The following NUP50 variants were observed in gnomAD, a reference collection of about 807,000 sequenced individuals.
NUP50 encodes nucleoporin 50.
A neutral mutation model predicts 36.8 loss-of-function variants in NUP50; 14 were observed. The ratio of observed to expected loss-of-function variants is 0.38; its 90% CI spans 0.25 to 0.59. The LOEUF (loss-of-function observed/expected upper bound fraction) is 0.59, where lower values mean the gene tolerates loss of function less well. NUP50 is among the 20% of genes least tolerant of loss of function. NUP50 has a pLI of 0.63. For synonymous variants in NUP50, 195 were observed against 210.8 expected, an observed-to-expected ratio of 0.93 and a Z score of 0.65; for missense variants, 455 against 564.6, an observed-to-expected ratio of 0.81 and a Z score of 1.97.
intron 1 of NUP50, chr22:45,166,528 C>T (rs2074097840): frequency 6.6e-6 from 1 of 152,008 alleles, no homozygotes; most frequent in South Asian, 2.1e-4. Flanking sequence ...CTCAAGTGAT[C>T]TGCCCACCTT....
rs2074452873 is a variant in NUP50 at position 45,185,310 on chromosome 22, T to A, written c.*655T>A. 1 of 152,428 alleles carries A rather than the reference T, an allele frequency of 6.6e-6. No homozygotes were observed. Among genetic ancestry groups the A allele is most frequent in the African/African-American group, 2.4e-5 (1 of 41,210 alleles). 9.4% of individuals were successfully genotyped at this position (152,428 alleles called of 1,614,324 possible). A position where few individuals can be genotyped will look rare whatever the true frequency, so the allele number is the denominator to read the frequency against. On this transcript the variant is annotated 3_prime_UTR_variant, in exon 8 of 8. Coordinates refer to ENST00000347635, the MANE Select transcript of NUP50 (RefSeq NM_007172.4). ...AAGAAATGAACAGCTTGTGAAGGAGTTTTTTGGCTTCATAGTTTCTATTCA... is the reference window on the plus strand; with the variant it reads ...AAGAAATGAACAGCTTGTGAAGGAGATTTTTGGCTTCATAGTTTCTATTCA...
intron 1 of NUP50, among the ~76,000 whole-genome samples, chr22:45,167,479 A>G (rs564506731): frequency 1.5e-4 from 23 of 152,372 alleles, no homozygotes; most frequent in African/African-American, 5.0e-4. Flanking sequence ...TGCCCCTTCC[A>G]CTAATGCCAT....
chr22:45,166,344 T>C (rs2074095164), intron 1 of NUP50: 1 of 149,116 alleles, frequency 6.7e-6, no homozygotes. Context: ...CTGGAGTGCA[T>C]TGGCGCGATC....
At chr22:45,166,165 A>G (rs1236755514) in intron 1 of NUP50, 1 of 151,846 alleles carries the variant, frequency 6.6e-6, no homozygotes, top group East Asian at 1.9e-4. Context: ...AGACTATTTT[A>G]CTGCGTCACC....
rs1387676977 is a variant in NUP50 at position 45,185,991 on chromosome 22, G to A, written c.*1336G>A. On this transcript the variant is annotated 3_prime_UTR_variant, in exon 8 of 8. Coordinates refer to ENST00000347635, the MANE Select transcript of NUP50 (RefSeq NM_007172.4). ...CGTAGCACATTCTCCATTTAGAAAA[G>A]AGTGGTCAGAATAATTGTGGACGGT... 1 of 152,256 alleles carries A rather than the reference G, an allele frequency of 6.6e-6. No homozygotes were observed. Among genetic ancestry groups the A allele is most frequent in the Non-Finnish European group, 1.5e-5 (1 of 68,062 alleles). The allele number at this position is 152,256 out of a possible 1,614,324, so 9.4% of individuals were successfully genotyped here. A position where few individuals can be genotyped will look rare whatever the true frequency, so the allele number is the denominator to read the frequency against.
At chr22:45,171,216 T>A in intron 2 of NUP50, 1 of 1,120,670 alleles carries the variant, frequency 8.9e-7, no homozygotes, top group African/African-American at 1.7e-5. Context: ...TTTATTTTTT[T>A]GAGACAGTCT....
intron 4 of NUP50, among the ~76,000 whole-genome samples, 165 bp downstream of exon 4, chr22:45,176,245 G>C (rs905102046): frequency 6.6e-6 from 1 of 152,250 alleles, no homozygotes; most frequent in African/African-American, 2.4e-5. Context: ...TACTTACAGA[G>C]TAAGTGGGTA....
intron 7 of NUP50, 23 bp from the exon 8 acceptor site, chr22:45,184,430 G>A: frequency 1.2e-6 from 2 of 1,608,070 alleles, no homozygotes; most frequent in Non-Finnish European, 1.7e-6. Context: ...TAATTTTGAT[G>A]GGTTTTGTTT....
intron 1 of NUP50, among the ~76,000 whole-genome samples, chr22:45,167,852 T>C (rs930097041): frequency 2.0e-5 from 3 of 152,330 alleles, no homozygotes; most frequent in Middle Eastern, 3.4e-3. Flanking sequence ...TACTTCAGAT[T>C]CCAGATTTTT....
Position 45,168,262 on chromosome 22 carries a change from C to T in NUP50, c.69+16C>T, listed in dbSNP as rs188247585. ...AGCTGAAGAGGTAAAAAGCAGCTTC[C>T]CTAAGAATGATTTCCTGTTTCTTTT... On this transcript the variant is annotated intron_variant, in intron 2 of 7. Transcript: ENST00000347635. 6.3e-6 allele frequency: 10 copies of T among 1,586,010 alleles called. No homozygotes were observed. In the Admixed American group the frequency reaches 1.3e-4, roughly 20 times the overall value.
At chr22:45,175,029 C>T (rs918572046) in intron 3 of NUP50, among the ~76,000 whole-genome samples, 3 of 151,656 alleles carry the variant, frequency 2.0e-5, no homozygotes, top group Non-Finnish European at 2.9e-5. Context: ...GATTTGTGAA[C>T]TGTCTCTTAG....
At chr22:45,184,403 T>C in intron 7 of NUP50, 50 bp from the exon 8 acceptor site, 1 of 1,518,880 alleles carries the variant, frequency 6.6e-7, no homozygotes, top group African/African-American at 1.4e-5. Context: ...ACTCCTTTGG[T>C]GGAGCTATAG....
rs780956130 is a variant in NUP50 at position 45,178,641 on chromosome 22, C to CA, written c.746dup (p.Lys250GlufsTer7). 1 of 1,611,770 alleles carries CA rather than the reference C, an allele frequency of 6.2e-7. No individual in the cohort carries two copies. The highest frequency in any genetic ancestry group is 8.5e-7 in the Non-Finnish European group (1 of 1,179,846). ...GCAACAAAACTGAAGATACACCTGA[C>CA]AAGAAGATGGAGGTGGCATCTGAAA... On this transcript the variant is annotated frameshift_variant, in exon 5 of 8. Transcript: ENST00000347635. LOFTEE classifies it high-confidence loss of function.
chr22:45,181,653 ATTC>A (rs1256449156), intron 6 of NUP50, among the ~76,000 whole-genome samples: 3 of 151,712 alleles, frequency 2.0e-5, no homozygotes, highest in African/African-American at 4.8e-5. Flanking sequence ...ATCCCATCCC[ATTC>A]CATCCCGTCT....
chr22:45,174,945 TG>T (rs1387620791), intron 3 of NUP50, among the ~76,000 whole-genome samples: 1 of 151,902 alleles, frequency 6.6e-6, no homozygotes, highest in Non-Finnish European at 1.5e-5. Context: ...ATTTAGTAAA[TG>T]AAGGGGTTCC....
intron 2 of NUP50, chr22:45,171,240 A>G (rs2147673317): frequency 9.5e-7 from 1 of 1,054,214 alleles, no homozygotes; most frequent in South Asian, 2.0e-5. Flanking sequence ...TCTGTTGCCC[A>G]GGCTGGAGTG....
rs1300377241 is a variant in NUP50, at chr22:45,185,847, G to C, written c.*1192G>C. The C allele has an allele frequency of 9.5e-6, 1 of 105,702 alleles. No homozygotes were observed. Among genetic ancestry groups the C allele is most frequent in the African/African-American group, 4.2e-5 (1 of 23,898 alleles). The allele number at this position is 105,702 out of a possible 1,614,324, so 6.5% of individuals were successfully genotyped here. A position where few individuals can be genotyped will look rare whatever the true frequency, so the allele number is the denominator to read the frequency against. ...GGGCACATGAATGATACACAGAATTGAATGTTTAAATTTCCACTGAGTCCT... is the reference window on the plus strand; with the variant it reads ...GGGCACATGAATGATACACAGAATTCAATGTTTAAATTTCCACTGAGTCCT... On this transcript the variant is annotated 3_prime_UTR_variant, in exon 8 of 8. Coordinates refer to ENST00000347635, the MANE Select transcript of NUP50 (RefSeq NM_007172.4).
intron 4 of NUP50, among the ~76,000 whole-genome samples, chr22:45,176,973 C>T: frequency 6.6e-6 from 1 of 152,114 alleles, no homozygotes; most frequent in East Asian, 1.9e-4. Flanking sequence ...ATCTCTTGAC[C>T]TTGTGATCCA....
intron 4 of NUP50, among the ~76,000 whole-genome samples, chr22:45,177,254 C>T (rs2074290280): frequency 6.6e-6 from 1 of 152,172 alleles, no homozygotes; most frequent in Non-Finnish European, 1.5e-5. Flanking sequence ...GGTCTTGGCT[C>T]ACTGCAGCCA....
Sources: allele counts gnomAD v4.1 joint callset (sites outside exome capture counted in the v4.1 genomes callset), GRCh38; gene constraint gnomAD v4.1.1; transcripts MANE v1.5; gene names NCBI Gene and HGNC (gene_info 2026-07-23, HGNC 2026-07-21).